C16orf96: variants seen among roughly 807,000 people sequenced by gnomAD.
The protein encoded by C16orf96 is uncharacterized protein C16orf96.
In C16orf96, 108 loss-of-function variants were observed where a neutral mutation model predicts 103.6. The observed-to-expected ratio is 1.04, with a 90% CI of 0.89 to 1.22. The LOEUF is 1.22. Ranked by LOEUF, C16orf96 falls within the 50% of genes most tolerant of loss-of-function variation. C16orf96 has a pLI of 0.00. For missense variants in C16orf96, 1,586 were observed against 1,464.2 expected (o/e 1.08, Z -1.36); for synonymous variants, 566 against 593.5 (o/e 0.95, Z 0.67).
intron 1 of C16orf96, chr16:4,560,076 G>A (rs1195227543): frequency 2.6e-5 from 4 of 152,102 alleles, no homozygotes; most frequent in Non-Finnish European, 5.9e-5. Flanking sequence ...GGAGTGGACT[G>A]GTGCAATCTC....
At chr16:4,551,042 GCCAGAGGA>G in the C16orf96 span, among the ~76,000 whole-genome samples, 1 of 152,218 alleles carries the variant, frequency 6.6e-6, no homozygotes, top group Non-Finnish European at 1.5e-5. Context: ...GGAGGCTGAG[GCCAGAGGA>G]CCGCTTGAGG....
chr16:4,544,034 A>G, the C16orf96 span, among the ~76,000 whole-genome samples: 2 of 152,130 alleles, frequency 1.3e-5, no homozygotes, highest in African/African-American at 4.8e-5. Flanking sequence ...GGGCTCTAGG[A>G]TGGATCCAGA....
At chr16:4,596,209 G>A (rs1314425639) in intron 14 of C16orf96, among the ~76,000 whole-genome samples, 4 of 152,072 alleles carry the variant, frequency 2.6e-5, no homozygotes, top group Non-Finnish European at 1.5e-5. Context: ...CCCATTGGCC[G>A]GGCACGGTGG....
At chr16:4,597,317 C>T (rs912190859) in intron 14 of C16orf96, among the ~76,000 whole-genome samples, 4 of 152,202 alleles carry the variant, frequency 2.6e-5, no homozygotes, top group African/African-American at 9.7e-5. Context: ...CCTGCCCCAC[C>T]TCCTTCACCC....
At chr16:4,570,418 G>C (rs974309899) in intron 1 of C16orf96, among the ~76,000 whole-genome samples, 6 of 148,198 alleles carry the variant, frequency 4.0e-5, no homozygotes, top group African/African-American at 1.5e-4. Flanking sequence ...TTGGCCCTCT[G>C]AGTGGAAAAA....
At chr16:4,551,678 T>A (rs973834791), upstream of C16orf96, among the ~76,000 whole-genome samples, 2 of 151,938 alleles carry the variant, frequency 1.3e-5, no homozygotes, top group Admixed American at 1.3e-4. Context: ...TGTCTCCATC[T>A]CCTGACCTCG....
At chr16:4,588,423 GA>G in intron 9 of C16orf96, 92 bp downstream of exon 9, 1 of 1,419,890 alleles carries the variant, frequency 7.0e-7, no homozygotes, top group Non-Finnish European at 9.4e-7. Context: ...AGTTTAGGAG[GA>G]GCAAGAATTT....
intron 7 of C16orf96, among the ~76,000 whole-genome samples, chr16:4,582,955 G>A (rs1186706973): frequency 3.3e-5 from 5 of 152,144 alleles, no homozygotes; most frequent in Non-Finnish European, 7.3e-5. Context: ...TTCATTGCTG[G>A]CCAGGCTCGG....
intron 1 of C16orf96, among the ~76,000 whole-genome samples, chr16:4,568,591 C>A (rs2059405202): frequency 6.7e-6 from 1 of 150,214 alleles, no homozygotes; most frequent in African/African-American, 2.4e-5. Flanking sequence ...CTGAACCCAG[C>A]CTCTTGCTCT....
rs1027579730 is a variant in C16orf96 at position 4,571,990 on chromosome 16, CA to C, written c.525+326del. ...TGAGCTTCCCGAGTAGCTGGGATTA[CA>C]GGCACGCACCACCACATCTGGGTAA... On this transcript the variant is annotated intron_variant, in intron 2 of 15. Coordinates refer to ENST00000444310, the MANE Select transcript of C16orf96 (RefSeq NM_001145011.2). Among the ~76,000 whole-genome samples the C allele has an allele frequency of 1.2e-4, 18 of 152,062 alleles. 1 individual carries two copies. Among genetic ancestry groups the C allele is most frequent in the African/African-American group, 4.1e-4 (17 of 41,474 alleles).
intron 1 of C16orf96, among the ~76,000 whole-genome samples, chr16:4,559,252 G>A (rs370078133): frequency 2.6e-5 from 4 of 151,664 alleles, no homozygotes; most frequent in African/African-American, 9.7e-5. Flanking sequence ...TTCAAATTGA[G>A]GGGAAACTGG....
rs1897098550 is a variant in C16orf96 at position 4,593,212 on chromosome 16, G to T, written c.2775-12G>T. The T allele has an allele frequency of 1.3e-6, 2 of 1,550,728 alleles. No homozygotes were observed. Among genetic ancestry groups the T allele is most frequent in the African/African-American group, 2.7e-5 (2 of 73,128 alleles). On this transcript the variant is annotated splice_polypyrimidine_tract_variant and intron_variant, in intron 11 of 15. Transcript: ENST00000444310. This position sits in a 1 kb window ranked among gnomAD's most constrained non-coding sequence, Gnocchi z 4.2. ...CTCCCACAGCCCCTGCTGTGCCCTT[G>T]TCCTCCAACAGACAGCTGATCACCA... is the stretch of plus-strand genomic sequence containing the variant.
At position 4,575,737 on chromosome 16, in the gene C16orf96, A is replaced by G. The variant is rs1310981497; in HGVS notation, c.1257A>G (p.Gln419=). Residue 419 remains glutamine (Q), a synonymous_variant, in exon 5 of 16, where the codon CAA becomes CAG. Coordinates refer to ENST00000444310, the MANE Select transcript of C16orf96 (RefSeq NM_001145011.2). ...GTGTCCTGCGGCCAACTCAGCCCCAACCCTCCAGGGCCCCACCACCAGCCA... is the reference window on the plus strand; with the variant it reads ...GTGTCCTGCGGCCAACTCAGCCCCAGCCCTCCAGGGCCCCACCACCAGCCA... ...DLGVLRPTQP[Q]PSRAPPPATE... 2 of 1,540,138 alleles carry G rather than the reference A, an allele frequency of 1.3e-6. No homozygotes were observed. The highest frequency in any genetic ancestry group is 1.8e-6 in the Non-Finnish European group (2 of 1,141,848).
chr16:4,592,338 T>C lies in C16orf96; in HGVS notation c.2745T>C (p.Cys915=), dbSNP rs368218217. The change falls in exon 11 of 16, where the codon TGT becomes TGC. Residue 915 remains cysteine, a synonymous_variant. Transcript: ENST00000444310. Reference sequence around the variant, plus strand: ...TCAAGCGCGTGAAGTGCATCTCCTGTGACCGGCCTGTGGAGATGATGACTG... The same window carrying C: ...TCAAGCGCGTGAAGTGCATCTCCTGCGACCGGCCTGTGGAGATGATGACTG... ...KLFKRVKCIS[C]DRPVEMMTGP... is the part of the protein sequence containing the mutation. The C allele has an allele frequency of 8.5e-5, 132 of 1,551,582 alleles. 1 individual carries two copies. In the African/African-American group the frequency reaches 1.7e-3, roughly 19 times the overall value.
At chr16:4,555,667 G>A (rs528459371), upstream of C16orf96, among the ~76,000 whole-genome samples, 7 of 150,320 alleles carry the variant, frequency 4.7e-5, no homozygotes, top group Admixed American at 3.3e-4. Flanking sequence ...CACTGTGCCC[G>A]GCCTTTTCTC....
chr16:4,570,865 G>T (rs931875821), intron 1 of C16orf96, among the ~76,000 whole-genome samples: 1 of 152,224 alleles, frequency 6.6e-6, no homozygotes, highest in Admixed American at 6.5e-5. Context: ...CCAGAGCCAG[G>T]CTCCACAGGA....
upstream of C16orf96, among the ~76,000 whole-genome samples, chr16:4,555,429 A>G (rs1459369747): frequency 1.3e-5 from 2 of 151,000 alleles, no homozygotes; most frequent in Admixed American, 6.6e-5. Context: ...GCTGGAGTGC[A>G]GTGGCACGAT....
rs750892765 is a variant in C16orf96 at position 4,576,551 on chromosome 16, G to A, written c.2071G>A (p.Ala691Thr). The A allele has an allele frequency of 5.3e-5, 82 of 1,551,542 alleles. 2 individuals carry two copies. The East Asian group carries it at 7.6e-4, about 14-fold the overall frequency. ...RAVKYSMSHI[A>T]QIPVKHDSLK... ...TGTCAAGTATTCCATGAGCCACATAGCCCAGATACCTGTCAAACACGACTC... is the reference window on the plus strand; with the variant it reads ...TGTCAAGTATTCCATGAGCCACATAACCCAGATACCTGTCAAACACGACTC... The change falls in exon 5 of 16, where the codon GCC becomes ACC. Residue 691 changes from alanine (A) to threonine (T), a missense_variant. Transcript: ENST00000444310.
chr16:4,558,428 G>A (rs1240693972), intron 1 of C16orf96, among the ~76,000 whole-genome samples: 1 of 152,058 alleles, frequency 6.6e-6, no homozygotes, highest in African/African-American at 2.4e-5. Context: ...AGCCTTGGCA[G>A]CGTAGTGAGA....
Sources: gnomAD v4.1 joint callset for allele counts (sites outside exome capture counted in the v4.1 genomes callset) on GRCh38, gnomAD v4.1.1 for gene constraint, Gnocchi (gnomAD v3.1) non-coding constraint, MANE v1.5 for transcripts, NCBI Gene and HGNC (gene_info 2026-07-23, HGNC 2026-07-21) for gene names.